ODAM: variants seen among roughly 807,000 people sequenced by gnomAD.
ODAM encodes the protein odontogenic, ameloblast associated, also known as odontogenic ameloblast-associated protein.
In ODAM, 55 loss-of-function variants were observed where a neutral mutation model predicts 48.5. The observed-to-expected ratio is 1.13, with a 90% CI of 0.91 to 1.42. ODAM has a LOEUF of 1.42. Ranked by LOEUF, ODAM falls within the 40% of genes most tolerant of loss-of-function variation. The pLI, the probability that ODAM is intolerant of heterozygous loss-of-function variation, is 0.00. For synonymous variants in ODAM, 127 were observed against 107.8 expected, an observed-to-expected ratio of 1.18 and a Z score of -1.10; for missense variants, 353 against 323.6, an observed-to-expected ratio of 1.09 and a Z score of -0.70.
chr4:70,197,845 CTCTT>C (rs1359573760), intron 4 of ODAM, 75 bp from the exon 5 acceptor site: 5 of 1,133,064 alleles, frequency 4.4e-6, no homozygotes, highest in Non-Finnish European at 6.4e-6. Flanking sequence ...TGTATTTTGC[CTCTT>C]TCTTGCTCAG....
rs1023003631 is a variant in ODAM, at chr4:70,195,789, G to A, written c.-20G>A. 1.0e-6 allele frequency: 1 copy of A among 983,368 alleles called. No individual in the cohort carries two copies. Among genetic ancestry groups the A allele is most frequent in the South Asian group, 4.7e-5 (1 of 21,252 alleles). The allele number at this position is 983,368 out of a possible 1,614,324, so 60.9% of individuals were successfully genotyped here. On this transcript the variant is annotated 5_prime_UTR_variant, in exon 1 of 12. Coordinates refer to ENST00000683306, the MANE Select transcript of ODAM (RefSeq NM_017855.4). ...CAGATTTTTCTTTTTAGGTCCAGGAGTAAGGTAAGATATCAAATCTTTGCT... is the reference window on the plus strand; with the variant it reads ...CAGATTTTTCTTTTTAGGTCCAGGAATAAGGTAAGATATCAAATCTTTGCT...
chr4:70,200,226 G>GAAAAAAAA (rs34093806), intron 6 of ODAM: 1 of 273,204 alleles, frequency 3.7e-6, no homozygotes. Flanking sequence ...GATGTCCTTT[G>GAAAAAAAA]AAAAAAAAAA....
chr4:70,196,231 G>C (rs560731491), intron 1 of ODAM, among the ~76,000 whole-genome samples: 42 of 151,618 alleles, frequency 2.8e-4, no homozygotes. Context: ...GCAGCACTAG[G>C]AGGAGATCAT....
At chr4:70,202,141 T>C (rs1010440358) in intron 8 of ODAM, 117 bp from the exon 9 acceptor site, 1 of 718,718 alleles carries the variant, frequency 1.4e-6, no homozygotes, top group African/African-American at 1.8e-5. Context: ...TTTCTGTTTT[T>C]AGCAAAATAA....
intron 2 of ODAM, 28 bp downstream of exon 2, chr4:70,196,622 C>G: frequency 6.3e-7 from 1 of 1,591,470 alleles, no homozygotes; most frequent in Non-Finnish European, 8.6e-7. Flanking sequence ...ACTACTAGTC[C>G]CACTGTGTTA....
At chr4:70,196,505 T>G (rs1443260950) in intron 1 of ODAM, 24 bp from the exon 2 acceptor site, 1 of 1,340,132 alleles carries the variant, frequency 7.5e-7, no homozygotes, top group African/African-American at 1.4e-5. Context: ...TTTATAAAGC[T>G]AAAGATCACA....
chr4:70,196,081 G>T (rs1729351623), intron 1 of ODAM, among the ~76,000 whole-genome samples: 1 of 151,916 alleles, frequency 6.6e-6, no homozygotes. Context: ...AAATTATCTG[G>T]TATTGGACTG....
Position 70,203,265 on chromosome 4 carries a change from A to C in ODAM, c.*29+51A>C. 3 of 1,054,088 alleles carry C rather than the reference A, an allele frequency of 2.8e-6. No homozygotes were observed. In the South Asian group the frequency reaches 4.1e-5, roughly 14 times the overall value. 65.3% of individuals were successfully genotyped at this position (1,054,088 alleles called of 1,614,324 possible). On this transcript the variant is annotated intron_variant, in intron 11 of 11. Transcript: ENST00000683306. ...TAGGTGCCACGACAATTCCTACATAAGAAGACAAAAGAAAAAAGTTGGCAG... is the reference window on the plus strand; with the variant it reads ...TAGGTGCCACGACAATTCCTACATACGAAGACAAAAGAAAAAAGTTGGCAG...
At chr4:70,201,647 GGA>G (rs2109819765) in intron 8 of ODAM, 146 bp downstream of exon 8, 1 of 611,860 alleles carries the variant, frequency 1.6e-6, no homozygotes, top group South Asian at 2.0e-5. Flanking sequence ...AGTACAAGGA[GGA>G]GAACACACAC....
At position 70,204,479 on chromosome 4, in the gene ODAM, C is replaced by T. The variant is rs2109822354; in HGVS notation, c.*334C>T. ...ATTGCATTAGTAAATGATGCCTCTGCAAAATGGTAGTACCCATGAAGATAT... is the reference window on the plus strand; with the variant it reads ...ATTGCATTAGTAAATGATGCCTCTGTAAAATGGTAGTACCCATGAAGATAT... On this transcript the variant is annotated 3_prime_UTR_variant, in exon 12 of 12. Coordinates refer to ENST00000683306, the MANE Select transcript of ODAM (RefSeq NM_017855.4). 6.6e-6 allele frequency: 1 copy of T among 152,010 alleles called. No individual in the cohort carries two copies. Among genetic ancestry groups the T allele is most frequent in the South Asian group, 2.1e-4 (1 of 4,820 alleles). The allele number at this position is 152,010 out of a possible 1,614,324, so 9.4% of individuals were successfully genotyped here.
chr4:70,200,929 G>C (rs544562106), intron 7 of ODAM, among the ~76,000 whole-genome samples: 42 of 152,036 alleles, frequency 2.8e-4, no homozygotes, highest in Non-Finnish European at 5.0e-4. Flanking sequence ...ACATATGTGT[G>C]TGTGGTTACT....
In ODAM at chr4:70,202,738, C is replaced by G. The variant is rs750777167; in HGVS notation, c.649-18C>G. On this transcript the variant is annotated intron_variant, in intron 9 of 11. Coordinates refer to ENST00000683306, the MANE Select transcript of ODAM (RefSeq NM_017855.4). Reference sequence around the variant, plus strand: ...GTTGAACTTACGACAACTTTGTTTTCATTCTCATTCTCTGTAGTCAACAGG... The same window carrying G: ...GTTGAACTTACGACAACTTTGTTTTGATTCTCATTCTCTGTAGTCAACAGG... The G allele has an allele frequency of 1.9e-6, 3 of 1,584,208 alleles. No homozygotes were observed. The highest frequency in any genetic ancestry group is 2.6e-6 in the Non-Finnish European group (3 of 1,165,394).
At chr4:70,202,044 T>C (rs940040502) in intron 8 of ODAM, among the ~76,000 whole-genome samples, 2 of 151,892 alleles carry the variant, frequency 1.3e-5, no homozygotes, top group African/African-American at 2.4e-5. Context: ...CTGGTCCTAG[T>C]AGAGAATGTT....
chr4:70,201,293 T>C (rs62307377), intron 7 of ODAM, among the ~76,000 whole-genome samples, 161 bp from the exon 8 acceptor site: 37,774 of 151,660 alleles, frequency 0.25, 5,157 homozygotes, highest in South Asian at 0.47. Flanking sequence ...AAGATTCTTG[T>C]TAATTTAACA....
rs752441825 is a variant in ODAM, at chr4:70,202,764, A to T, written c.657A>T (p.Gly219=). ...ATTCTCATTCTCTGTAGTCAACAGG[A>T]GAAGAGATACCATATTTACAAAAAG... The part of the protein sequence containing the change: ...TAPEIAVMST[G]EEIPYLQKEA... The change falls in exon 10 of 12, where the codon GGA becomes GGT. Residue 219 remains glycine (G), a synonymous_variant. Coordinates refer to ENST00000683306, the MANE Select transcript of ODAM (RefSeq NM_017855.4). 1.2e-6 allele frequency: 2 copies of T among 1,609,492 alleles called. No homozygotes were observed. Among genetic ancestry groups the T allele is most frequent in the Admixed American group, 3.4e-5 (2 of 59,396 alleles).
intron 10 of ODAM, 95 bp downstream of exon 10, chr4:70,203,012 G>A: frequency 7.3e-7 from 1 of 1,370,122 alleles, no homozygotes; most frequent in Non-Finnish European, 1.0e-6. Context: ...ACTTAGTCAT[G>A]AAATTAAGAA....
At chr4:70,195,825 G>A (rs1729343579) in intron 1 of ODAM, 32 bp downstream of exon 1, 1 of 922,592 alleles carries the variant, frequency 1.1e-6, no homozygotes, top group Non-Finnish European at 1.3e-6. Context: ...TTTATAGTTT[G>A]AAGAACCAAA....
intron 5 of ODAM, 31 bp downstream of exon 5, chr4:70,198,188 GGA>G: frequency 1.3e-6 from 2 of 1,565,072 alleles, no homozygotes; most frequent in Non-Finnish European, 1.8e-6. Flanking sequence ...TTTGTTCTGA[GGA>G]GAGAGAACTG....
In ODAM at chr4:70,196,735, T is replaced by A; in HGVS notation, c.93+2T>A. On this transcript the variant is annotated splice_donor_variant, in intron 3 of 11. Coordinates refer to ENST00000683306, the MANE Select transcript of ODAM (RefSeq NM_017855.4). LOFTEE classifies it high-confidence loss of function. ...ATGTCTGCCAGCAATAGCAATGAGGTTAGTTTAAATAATTAAAACAATCTC... is the reference window on the plus strand; with the variant it reads ...ATGTCTGCCAGCAATAGCAATGAGGATAGTTTAAATAATTAAAACAATCTC... 1 of 1,600,900 alleles carries A rather than the reference T, an allele frequency of 6.2e-7. No individual in the cohort carries two copies. Among genetic ancestry groups the A allele is most frequent in the Non-Finnish European group, 8.5e-7 (1 of 1,172,540 alleles).
Sources: gnomAD v4.1 joint callset for allele counts (sites outside exome capture counted in the v4.1 genomes callset) on GRCh38, gnomAD v4.1.1 for gene constraint, MANE v1.5 for transcripts, NCBI Gene and HGNC (gene_info 2026-07-23, HGNC 2026-07-21) for gene names.